ESF1: variants seen among roughly 807,000 people sequenced by gnomAD.
ESF1 encodes the protein ESF1 nucleolar pre-rRNA processing protein, also known as ESF1 homolog.
A neutral mutation model predicts 92.0 loss-of-function variants in ESF1; 58 were observed. The observed-to-expected ratio is 0.63, with a 90% CI of 0.51 to 0.78. ESF1 has a LOEUF of 0.78. Among genes scored for constraint, ESF1 ranks in the 30% least tolerant of loss-of-function variants. The pLI is 0.00. For synonymous variants in ESF1, 321 were observed against 313.7 expected (o/e 1.02, Z -0.24); for missense variants, 922 against 989.1 (o/e 0.93, Z 0.91).
chr20:13,744,779 C>G (rs1318740365), intron 9 of ESF1, among the ~76,000 whole-genome samples: 2 of 152,206 alleles, frequency 1.3e-5, no homozygotes, highest in East Asian at 3.9e-4. Flanking sequence ...CCCTGACTAT[C>G]CAGTTTAAAT....
chr20:13,764,668 A>C (rs957401986), intron 8 of ESF1, among the ~76,000 whole-genome samples: 3 of 152,178 alleles, frequency 2.0e-5, no homozygotes, highest in African/African-American at 7.2e-5. Context: ...CGTTACTAAG[A>C]AAATCACAAG....
At chr20:13,723,829 T>C (rs929202259) in intron 11 of ESF1, among the ~76,000 whole-genome samples, 3 of 152,214 alleles carry the variant, frequency 2.0e-5, no homozygotes, top group African/African-American at 7.2e-5. Context: ...CATTATATCT[T>C]AAATATTTTT....
chr20:13,729,396 C>T (rs2049926719), intron 10 of ESF1, among the ~76,000 whole-genome samples: 1 of 152,138 alleles, frequency 6.6e-6, no homozygotes, highest in Non-Finnish European at 1.5e-5. Context: ...AAATCAGACA[C>T]ATAAACACAT....
At position 13,747,620 on chromosome 20, in the gene ESF1, T is replaced by C. The variant is rs185328607; in HGVS notation, c.1828+12072A>G. On this transcript the variant is annotated intron_variant, in intron 9 of 13. Transcript: ENST00000617257. ...AAAAAAAAAAAAGAGAGAGAAAATA[T>C]AGAATGAGGGTAATAGAGAATCAAA... Among the ~76,000 whole-genome samples the C allele has an allele frequency of 1.1e-3, 161 of 150,148 alleles. 1 individual carries two copies. Among genetic ancestry groups the C allele is most frequent in the Middle Eastern group, 6.8e-3 (2 of 292 alleles).
At chr20:13,715,617 A>G (rs1288822854) in intron 13 of ESF1, among the ~76,000 whole-genome samples, 4 of 152,212 alleles carry the variant, frequency 2.6e-5, no homozygotes, top group Admixed American at 2.6e-4. Flanking sequence ...TGGTGCCAAA[A>G]TAAGGAACTA....
chr20:13,737,856 A>G, intron 9 of ESF1, among the ~76,000 whole-genome samples: 1 of 152,174 alleles, frequency 6.6e-6, no homozygotes, highest in East Asian at 1.9e-4. Flanking sequence ...AGGGTTCGCC[A>G]TGTTGGCCAG....
At chr20:13,729,607 C>T in intron 10 of ESF1, among the ~76,000 whole-genome samples, 1 of 152,248 alleles carries the variant, frequency 6.6e-6, no homozygotes, top group South Asian at 2.1e-4. Context: ...TGTGAATTAT[C>T]TCTTAAATTA....
intron 11 of ESF1, among the ~76,000 whole-genome samples, chr20:13,719,505 T>C (rs1286911552): frequency 6.6e-6 from 1 of 152,026 alleles, no homozygotes; most frequent in Non-Finnish European, 1.5e-5. Flanking sequence ...AAACAGTATA[T>C]AATAAAATAT....
At chr20:13,761,203 A>G (rs1443225542) in intron 8 of ESF1, among the ~76,000 whole-genome samples, 1 of 152,036 alleles carries the variant, frequency 6.6e-6, no homozygotes, top group Admixed American at 6.5e-5. Context: ...AAGAGTCATC[A>G]CCACTCCCTA....
intron 13 of ESF1, 113 bp from the exon 14 acceptor site, chr20:13,715,280 C>G: frequency 9.6e-7 from 1 of 1,042,444 alleles, no homozygotes; most frequent in Non-Finnish European, 1.3e-6. Context: ...ATATAAAATA[C>G]AAACCTGAGT....
At chr20:13,773,525 G>A (rs1163527473) in intron 4 of ESF1, among the ~76,000 whole-genome samples, 1 of 151,928 alleles carries the variant, frequency 6.6e-6, no homozygotes, top group Non-Finnish European at 1.5e-5. Context: ...GGAGCTATTA[G>A]GAGGTGAAGA....
intron 9 of ESF1, among the ~76,000 whole-genome samples, chr20:13,748,592 A>ATATATAT (rs1331098586): frequency 2.1e-5 from 2 of 95,724 alleles, no homozygotes; most frequent in African/African-American, 1.3e-4. Flanking sequence ...ATATATATAT[A>ATATATAT]TTTTTTTTTT....
At chr20:13,751,151 A>G (rs1460804575) in intron 9 of ESF1, among the ~76,000 whole-genome samples, 1 of 152,240 alleles carries the variant, frequency 6.6e-6, no homozygotes, top group African/African-American at 2.4e-5. Flanking sequence ...AAACTGATGA[A>G]AGCAAGTAGT....
At chr20:13,722,125 C>G (rs1379873113) in intron 11 of ESF1, among the ~76,000 whole-genome samples, 1 of 152,058 alleles carries the variant, frequency 6.6e-6, no homozygotes, top group African/African-American at 2.4e-5. Context: ...TAAAGATCTT[C>G]ACATACAGCT....
Position 13,776,008 on chromosome 20 carries a change from A to G in ESF1, c.900T>C (p.Pro300=). 6.2e-7 allele frequency: 1 copy of G among 1,613,916 alleles called. No homozygotes were observed. The highest frequency in any genetic ancestry group is 1.1e-5 in the South Asian group (1 of 91,076). Residue 300 remains proline (P), a synonymous_variant, in exon 3 of 14, where the codon CCT becomes CCC. Coordinates refer to ENST00000617257, the MANE Select transcript of ESF1 (RefSeq NM_001276380.2). ...TATTTCCTTTACCCCTTGCAAGATC[A>G]GGGCCACTGTCACTTTTATCATCAT... is the stretch of plus-strand genomic sequence containing the variant. ...SEDDDKSDSG[P]DLARGKGNIE...
chr20:13,729,606 T>A (rs1005963068), intron 10 of ESF1, among the ~76,000 whole-genome samples: 3 of 152,204 alleles, frequency 2.0e-5, no homozygotes, highest in Admixed American at 2.0e-4. Context: ...CTGTGAATTA[T>A]CTCTTAAATT....
chr20:13,782,712 T>C lies in ESF1; in HGVS notation c.429A>G (p.Ser143=). Residue 143 remains serine (S), a synonymous_variant, in exon 2 of 14, where the codon TCA becomes TCG. Transcript: ENST00000617257. ...NSIGIKKMKT[S]CKFKIDSNIS... ...TGTTTGAATCTATCTTAAATTTACA[T>C]GAGGTTTTCATTTTTTTAATTCCTA... 4 of 1,586,242 alleles carry C rather than the reference T, an allele frequency of 2.5e-6. No individual in the cohort carries two copies. Among genetic ancestry groups the C allele is most frequent in the Non-Finnish European group, 3.4e-6 (4 of 1,171,606 alleles).
intron 5 of ESF1, among the ~76,000 whole-genome samples, chr20:13,771,695 A>T (rs1216981446): frequency 1.3e-5 from 2 of 152,164 alleles, no homozygotes; most frequent in Non-Finnish European, 2.9e-5. Context: ...GGAATTTGGT[A>T]TCTAGGAAAG....
At position 13,783,767 on chromosome 20, in the gene ESF1, C is replaced by G. The variant is rs530544175; in HGVS notation, c.-43-584G>C. 1.3e-4 allele frequency among the ~76,000 whole-genome samples: 20 copies of G among 152,260 alleles called. 1 individual carries two copies. The South Asian group carries it at 3.5e-3, about 27-fold the overall frequency. The stretch of plus-strand genomic sequence containing the variant: ...GAGGTCTTGGCTAGAGTGAGCCTAA[C>G]GGCACTACAGCACACCAGCTGGGGC... On this transcript the variant is annotated intron_variant, in intron 1 of 13. Transcript: ENST00000617257.
Sources: allele counts gnomAD v4.1 joint callset (sites outside exome capture counted in the v4.1 genomes callset), GRCh38; gene constraint gnomAD v4.1.1; transcripts MANE v1.5; gene names NCBI Gene and HGNC (gene_info 2026-07-23, HGNC 2026-07-21).